Variants in PCDH9 observed in about 807,000 individuals in gnomAD.
PCDH9 encodes the protein protocadherin 9.
In PCDH9, 24 loss-of-function variants were observed where a neutral mutation model predicts 70.6. The ratio of observed to expected loss-of-function variants is 0.34; its 90% CI spans 0.25 to 0.48. The LOEUF (loss-of-function observed/expected upper bound fraction) is 0.48. Ranked by LOEUF, PCDH9 falls within the 20% of genes least tolerant of loss-of-function variation. The pLI, the probability that PCDH9 is intolerant of heterozygous loss-of-function variation, is 0.99. For synonymous variants in PCDH9, 562 were observed against 558.5 expected, an observed-to-expected ratio of 1.01 and a Z score of -0.09; for missense variants, 1,281 against 1,503.6, an observed-to-expected ratio of 0.85 and a Z score of 2.45.
At chr13:66,850,620 A>T (rs1213511349) in intron 3 of PCDH9, among the ~76,000 whole-genome samples, 1 of 152,250 alleles carries the variant, frequency 6.6e-6, no homozygotes, top group Non-Finnish European at 1.5e-5. Flanking sequence ...GTTATCTGAT[A>T]AATTTAAAAT....
intron 4 of PCDH9, among the ~76,000 whole-genome samples, chr13:66,401,930 T>C (rs1324382079): frequency 6.6e-6 from 1 of 152,160 alleles, no homozygotes. Flanking sequence ...ACCCAACAGG[T>C]GACTAAACAG....
intron 2 of PCDH9, among the ~76,000 whole-genome samples, chr13:67,148,781 T>G (rs1374786641): frequency 6.6e-6 from 1 of 152,214 alleles, no homozygotes; most frequent in Non-Finnish European, 1.5e-5. Context: ...TCTTAAAGGT[T>G]TCAGTCTACA....
At chr13:66,536,044 T>G (rs781465424) in intron 4 of PCDH9, among the ~76,000 whole-genome samples, 79 of 152,206 alleles carry the variant, frequency 5.2e-4, no homozygotes, top group Non-Finnish European at 7.5e-4. Flanking sequence ...ATCTTAAAGA[T>G]CACACGTGTA....
intron 2 of PCDH9, among the ~76,000 whole-genome samples, chr13:67,077,220 T>A (rs2085895077): frequency 6.6e-6 from 1 of 152,180 alleles, no homozygotes; most frequent in African/African-American, 2.4e-5. Context: ...TGGAATTGTT[T>A]TCTGCTATCC....
chr13:67,054,652 A>C (rs564543134), intron 2 of PCDH9, among the ~76,000 whole-genome samples: 1 of 152,282 alleles, frequency 6.6e-6, no homozygotes, highest in South Asian at 2.1e-4. Flanking sequence ...GCAATGTTTA[A>C]AATTATTGAG....
chr13:66,487,814 C>A (rs1017117132), intron 4 of PCDH9, among the ~76,000 whole-genome samples: 2 of 152,118 alleles, frequency 1.3e-5, no homozygotes, highest in African/African-American at 4.8e-5. Context: ...ATGGATAATT[C>A]AAGCCAGATG....
chr13:66,655,827 G>C (rs1022917590), intron 3 of PCDH9, among the ~76,000 whole-genome samples: 1 of 152,162 alleles, frequency 6.6e-6, no homozygotes, highest in Non-Finnish European at 1.5e-5. Flanking sequence ...ATATTACAGT[G>C]ATTAATCAGA....
intron 3 of PCDH9, among the ~76,000 whole-genome samples, chr13:66,678,201 T>G (rs1364486276): frequency 6.6e-6 from 1 of 152,110 alleles, no homozygotes; most frequent in Non-Finnish European, 1.5e-5. Context: ...GGCCTTAGCT[T>G]TCTCTTGGTT....
intron 2 of PCDH9, among the ~76,000 whole-genome samples, chr13:67,106,957 G>A (rs2086558462): frequency 6.6e-6 from 1 of 152,198 alleles, no homozygotes; most frequent in Non-Finnish European, 1.5e-5. Flanking sequence ...GAGGAGCAAG[G>A]CCAAGGTGGG....
intron 4 of PCDH9, among the ~76,000 whole-genome samples, chr13:66,451,372 A>G (rs1958205771): frequency 6.6e-6 from 1 of 152,182 alleles, no homozygotes; most frequent in African/African-American, 2.4e-5. Flanking sequence ...TTGCAAAATA[A>G]TAAGTGGGGT....
chr13:66,496,723 A>G (rs372726407), intron 4 of PCDH9, among the ~76,000 whole-genome samples: 1 of 152,204 alleles, frequency 6.6e-6, no homozygotes, highest in East Asian at 1.9e-4. Flanking sequence ...TTGTACCAAC[A>G]ATTAGGTACT....
Position 67,100,060 on chromosome 13 carries a change from A to T in PCDH9, c.3036+125345T>A, listed in dbSNP as rs1457587813. Among the ~76,000 whole-genome samples, 9 of 152,298 alleles carry T rather than the reference A, an allele frequency of 5.9e-5. No homozygotes were observed. The East Asian group carries it at 1.7e-3, about 29-fold the overall frequency. On this transcript the variant is annotated intron_variant, in intron 2 of 4. Coordinates refer to ENST00000377865, the MANE Select transcript of PCDH9 (RefSeq NM_203487.3). Reference sequence around the variant, plus strand: ...AAACATTAGAGTAGACATGTCACTAAGTCTATGGGTTTTTGTCCTTGCTTC... The same window carrying T: ...AAACATTAGAGTAGACATGTCACTATGTCTATGGGTTTTTGTCCTTGCTTC...
chr13:67,218,242 C>T (rs1231980751), intron 2 of PCDH9: 1 of 152,070 alleles, frequency 6.6e-6, no homozygotes, highest in African/African-American at 2.4e-5. Context: ...GCTTCCCTGT[C>T]TGTGATGGCA....
chr13:66,714,129 T>C (rs1197194285), intron 3 of PCDH9, among the ~76,000 whole-genome samples: 2 of 152,156 alleles, frequency 1.3e-5, no homozygotes, highest in Non-Finnish European at 2.9e-5. Flanking sequence ...AGGTTATAGC[T>C]GTTGCATATA....
intron 4 of PCDH9, among the ~76,000 whole-genome samples, chr13:66,524,144 CACAA>C (rs67327403): frequency 0.16 from 24,384 of 151,884 alleles, 2,320 homozygotes; most frequent in Non-Finnish European, 0.21. Flanking sequence ...ACTCTTTTGT[CACAA>C]ACAATTTGCA....
intron 3 of PCDH9, among the ~76,000 whole-genome samples, chr13:66,805,076 G>A (rs1469595666): frequency 6.6e-6 from 1 of 152,134 alleles, no homozygotes; most frequent in East Asian, 1.9e-4. Flanking sequence ...TTGGCAGATA[G>A]TTAATAAATA....
At chr13:66,427,922 TTAAG>T (rs1957701736) in intron 4 of PCDH9, among the ~76,000 whole-genome samples, 1 of 151,754 alleles carries the variant, frequency 6.6e-6, no homozygotes, top group Non-Finnish European at 1.5e-5. Flanking sequence ...CTGATAATTG[TTAAG>T]TAACACAGTA....
intron 3 of PCDH9, 26 bp from the exon 4 acceptor site, chr13:66,631,437 T>G: frequency 7.7e-7 from 1 of 1,304,472 alleles, no homozygotes; most frequent in Non-Finnish European, 1.1e-6. Context: ...CAGGACATGC[T>G]GATTAACACT....
rs2078864449 is a variant in PCDH9, at chr13:66,716,226, T to C, written c.3139-84815A>G. On this transcript the variant is annotated intron_variant, in intron 3 of 4. Coordinates refer to ENST00000377865, the MANE Select transcript of PCDH9 (RefSeq NM_203487.3). ...GAAGATTATCTGCTAATATAAAGAGTGCTACAGAAAAATAGCAGTATGTAG... is the reference window on the plus strand; with the variant it reads ...GAAGATTATCTGCTAATATAAAGAGCGCTACAGAAAAATAGCAGTATGTAG... 2.0e-5 allele frequency among the ~76,000 whole-genome samples: 3 copies of C among 152,258 alleles called. No homozygotes were observed. The South Asian group carries it at 6.2e-4, about 32-fold the overall frequency.
Sources: allele counts gnomAD v4.1 joint callset (sites outside exome capture counted in the v4.1 genomes callset), GRCh38; gene constraint gnomAD v4.1.1; transcripts MANE v1.5; gene names NCBI Gene and HGNC (gene_info 2026-07-23, HGNC 2026-07-21).